The following FBXL7 variants were observed in gnomAD, a reference collection of about 807,000 sequenced individuals.
FBXL7 encodes the protein F-box and leucine rich repeat protein 7, also known as F-box/LRR-repeat protein 7.
In FBXL7, 12 loss-of-function variants were observed where a neutral mutation model predicts 38.3. The observed-to-expected ratio is 0.31, with a 90% CI of 0.20 to 0.51. The LOEUF (loss-of-function observed/expected upper bound fraction) is 0.51, where lower values mean the gene tolerates loss of function less well. Among genes scored for constraint, FBXL7 ranks in the 20% least tolerant of loss-of-function variants. FBXL7 has a pLI of 0.98. For synonymous variants in FBXL7, 297 were observed against 300.9 expected (o/e 0.99, Z 0.13); for missense variants, 567 against 676.4 (o/e 0.84, Z 1.79).
intron 2 of FBXL7, among the ~76,000 whole-genome samples, chr5:15,832,860 T>C (rs1026028633): frequency 1.3e-5 from 2 of 152,090 alleles, no homozygotes; most frequent in South Asian, 2.1e-4. Context: ...TCATCTTAAA[T>C]TGTAGCTCCT....
chr5:15,601,543 A>G (rs1265598391), intron 1 of FBXL7, among the ~76,000 whole-genome samples: 1 of 152,118 alleles, frequency 6.6e-6, no homozygotes, highest in African/African-American at 2.4e-5. Context: ...GGGAAGGGGA[A>G]GCTCTGCCCT....
chr5:15,806,052 T>C (rs578025470), intron 2 of FBXL7, among the ~76,000 whole-genome samples: 2 of 152,330 alleles, frequency 1.3e-5, no homozygotes, highest in African/African-American at 4.8e-5. Flanking sequence ...TAGGGCTCTT[T>C]AAGATCATCT....
chr5:15,542,463 T>C (rs1334016136), intron 1 of FBXL7, among the ~76,000 whole-genome samples: 3 of 152,158 alleles, frequency 2.0e-5, no homozygotes, highest in African/African-American at 7.2e-5. Context: ...AAGCCTGCAA[T>C]AACAAATGAT....
intron 2 of FBXL7, among the ~76,000 whole-genome samples, chr5:15,845,035 C>T (rs140854907): frequency 1.3e-5 from 2 of 152,328 alleles, no homozygotes; most frequent in Non-Finnish European, 2.9e-5. Context: ...AGCCATCGGC[C>T]TTCTGTGCTG....
At chr5:15,646,740 T>G (rs1280490735) in intron 2 of FBXL7, among the ~76,000 whole-genome samples, 3 of 152,234 alleles carry the variant, frequency 2.0e-5, no homozygotes, top group Admixed American at 6.5e-5. Context: ...GGACTGTCAC[T>G]CTCACAGGTT....
At chr5:15,830,279 T>A (rs1187074695) in intron 2 of FBXL7, among the ~76,000 whole-genome samples, 2 of 151,440 alleles carry the variant, frequency 1.3e-5, no homozygotes, top group Non-Finnish European at 2.9e-5. Flanking sequence ...AGGTCAGGAG[T>A]TCGAGACCAG....
rs537885059 is a variant in FBXL7 at position 15,717,010 on chromosome 5, A to G, written c.127+100938A>G. Reference sequence around the variant, plus strand: ...TGATGACATTTAATTAAGATCTTAGAAGCAAAGAATAATTAGGATGTATTC... The same window carrying G: ...TGATGACATTTAATTAAGATCTTAGGAGCAAAGAATAATTAGGATGTATTC... On this transcript the variant is annotated intron_variant, in intron 2 of 3. Coordinates refer to ENST00000504595, the MANE Select transcript of FBXL7 (RefSeq NM_012304.5). Among the ~76,000 whole-genome samples the G allele has an allele frequency of 2.6e-5, 4 of 152,310 alleles. No individual in the cohort carries two copies. In the East Asian group the frequency reaches 7.7e-4, roughly 29 times the overall value.
chr5:15,759,646 T>C (rs1159561806), intron 2 of FBXL7, among the ~76,000 whole-genome samples: 2 of 152,234 alleles, frequency 1.3e-5, no homozygotes, highest in Non-Finnish European at 2.9e-5. Context: ...TGTGAGATGT[T>C]TATATTGTTC....
intron 1 of FBXL7, among the ~76,000 whole-genome samples, chr5:15,541,443 GTATATA>G (rs56810372): frequency 0.022 from 858 of 38,448 alleles, 14 homozygotes; most frequent in South Asian, 0.097. Context: ...GTGTGTGTGT[GTATATA>G]TATATATATA....
At chr5:15,735,202 G>T (rs1253218482) in intron 2 of FBXL7, among the ~76,000 whole-genome samples, 1 of 152,210 alleles carries the variant, frequency 6.6e-6, no homozygotes, top group Non-Finnish European at 1.5e-5. Context: ...CAAAGTGCTG[G>T]GAGTATAGGC....
At chr5:15,787,033 G>A (rs1579461814) in intron 2 of FBXL7, among the ~76,000 whole-genome samples, 1 of 152,202 alleles carries the variant, frequency 6.6e-6, no homozygotes, top group Non-Finnish European at 1.5e-5. Context: ...TCAGAGTGAT[G>A]CAGCCACAAA....
intron 1 of FBXL7, among the ~76,000 whole-genome samples, chr5:15,569,936 A>G (rs1320065590): frequency 6.6e-6 from 1 of 152,208 alleles, no homozygotes. Flanking sequence ...CCCAGGGATG[A>G]AGCCCACTTG....
chr5:15,887,307 G>T (rs1740717748), intron 2 of FBXL7, among the ~76,000 whole-genome samples: 1 of 152,160 alleles, frequency 6.6e-6, no homozygotes, highest in African/African-American at 2.4e-5. Context: ...TTGAGGGGAA[G>T]TCATGGCAGT....
Position 15,773,393 on chromosome 5 carries a change from C to T in FBXL7, c.128-154497C>T, listed in dbSNP as rs144396329. Among the ~76,000 whole-genome samples, 360 of 152,200 alleles carry T rather than the reference C, an allele frequency of 2.4e-3. 3 individuals are homozygous for T. Among genetic ancestry groups the T allele is most frequent in the African/African-American group, 8.3e-3 (345 of 41,544 alleles). On this transcript the variant is annotated intron_variant, in intron 2 of 3. Transcript: ENST00000504595. ...GTGTTGTGGCTCATGCCTTTAATCCCAGCACTTTGGGAGGCCGAGACAGGA... is the reference window on the plus strand; with the variant it reads ...GTGTTGTGGCTCATGCCTTTAATCCTAGCACTTTGGGAGGCCGAGACAGGA...
At chr5:15,691,420 G>A (rs747052236) in intron 2 of FBXL7, among the ~76,000 whole-genome samples, 9 of 152,188 alleles carry the variant, frequency 5.9e-5, no homozygotes, top group Non-Finnish European at 1.3e-4. Flanking sequence ...GCTCTTCCAA[G>A]CCTTTGCTCT....
intron 1 of FBXL7, among the ~76,000 whole-genome samples, chr5:15,505,932 C>T (rs1328446606): frequency 6.6e-6 from 1 of 152,124 alleles, no homozygotes; most frequent in Non-Finnish European, 1.5e-5. Flanking sequence ...CGTTTCTGTC[C>T]ATTTCTTCAA....
rs116472124 is a variant in FBXL7, at chr5:15,849,581, G to A, written c.128-78309G>A. ...ACTCTTGTCTGCCACCATGTAAGACGTGTCTTTCACCTTCTGCCATGAGTG... is the reference window on the plus strand; with the variant it reads ...ACTCTTGTCTGCCACCATGTAAGACATGTCTTTCACCTTCTGCCATGAGTG... On this transcript the variant is annotated intron_variant, in intron 2 of 3. Transcript: ENST00000504595. Among the ~76,000 whole-genome samples the A allele has an allele frequency of 5.5e-3, 844 of 152,282 alleles. 5 individuals are homozygous for A. The highest frequency in any genetic ancestry group is 0.019 in the African/African-American group (795 of 41,556).
chr5:15,647,568 C>T (rs368912917), intron 2 of FBXL7, among the ~76,000 whole-genome samples: 10 of 152,124 alleles, frequency 6.6e-5, no homozygotes, highest in Admixed American at 3.3e-4. Context: ...CCGGGGATTG[C>T]GGTGAATGTA....
intron 2 of FBXL7, among the ~76,000 whole-genome samples, chr5:15,770,845 G>A (rs377241430): frequency 1.1e-4 from 17 of 152,194 alleles, no homozygotes; most frequent in African/African-American, 2.2e-4. Context: ...TTCCTTTCTC[G>A]CTACACCACA....
Sources: allele counts gnomAD v4.1 joint callset (sites outside exome capture counted in the v4.1 genomes callset), GRCh38; gene constraint gnomAD v4.1.1; transcripts MANE v1.5; gene names NCBI Gene and HGNC (gene_info 2026-07-23, HGNC 2026-07-21).